MROH1: variants seen among roughly 807,000 people sequenced by gnomAD.
MROH1 encodes the protein maestro heat like repeat family member 1.
Under a neutral mutation model 116.5 loss-of-function variants are expected in MROH1, and 117 were observed. The ratio of observed to expected loss-of-function variants is 1.00; its 90% CI spans 0.86 to 1.17. The LOEUF (loss-of-function observed/expected upper bound fraction) is 1.17. Ranked by LOEUF, MROH1 falls within the 50% of genes most tolerant of loss-of-function variation. The pLI, the probability that MROH1 is intolerant of heterozygous loss-of-function variation, is 0.00. For missense variants in MROH1, 1,873 were observed against 1,338.5 expected (o/e 1.40, Z -6.23); for synonymous variants, 921 against 583.9 (o/e 1.58, Z -8.32).
In MROH1 at chr8:144,176,499, C is replaced by T. The variant is rs568964481; in HGVS notation, c.169-2956C>T. On this transcript the variant is annotated intron_variant, in intron 4 of 43. Transcript: ENST00000326134. ...GCAGTGAGTTATGATTGCACAACTG[C>T]ACTCTAGCCTGGGTGATGGAGTGAG... Among the ~76,000 whole-genome samples, 354 of 146,948 alleles carry T rather than the reference C, an allele frequency of 2.4e-3. 12 individuals carry two copies. In the South Asian group the frequency reaches 0.065, roughly 27 times the overall value.
intron 20 of MROH1, 77 bp downstream of exon 20, chr8:144,240,754 T>A: frequency 1.4e-6 from 1 of 701,702 alleles, no homozygotes; most frequent in Non-Finnish European, 2.6e-6. Flanking sequence ...ACTTGCTGTC[T>A]GGGCCCTGTC....
Position 144,260,383 on chromosome 8 carries a change from GT to G in MROH1, c.4380+11del. On this transcript the variant is annotated intron_variant, in intron 39 of 43. Transcript: ENST00000326134. ...GGCCTTTCTTCGACAGTGTAGGCTGGTTGGGGCAGGGGGAGGGAAGAGGGCC... is the reference window on the plus strand; with the variant it reads ...GGCCTTTCTTCGACAGTGTAGGCTGGTGGGGCAGGGGGAGGGAAGAGGGCC... 4.2e-6 allele frequency: 3 copies of G among 712,264 alleles called. No homozygotes were observed. The highest frequency in any genetic ancestry group is 5.1e-6 in the Non-Finnish European group (2 of 389,682). 44.1% of individuals were successfully genotyped at this position (712,264 alleles called of 1,614,324 possible). A position where few individuals can be genotyped will look rare whatever the true frequency, so the allele number is the denominator to read the frequency against.
chr8:144,166,037 C>T (rs1316609446), intron 3 of MROH1, among the ~76,000 whole-genome samples: 1 of 151,846 alleles, frequency 6.6e-6, no homozygotes, highest in East Asian at 1.9e-4. Context: ...TGCCATCACA[C>T]CTGGCTAATT....
In MROH1 at chr8:144,247,624, G is replaced by A; in HGVS notation, c.3065G>A (p.Gly1022Asp). 1.3e-6 allele frequency: 1 copy of A among 768,356 alleles called. No individual in the cohort carries two copies. The highest frequency in any genetic ancestry group is 1.7e-5 in the Admixed American group (1 of 58,678). 47.6% of individuals were successfully genotyped at this position (768,356 alleles called of 1,614,324 possible). ...GAGCGGCTCCTCAGCCTCAAGGACG[G>A]CCTCGTGCACCCTGACCCCGCCATT... The part of the protein sequence containing the change: ...VAERLLSLKD[G>D]LVHPDPAILF... Residue 1022 changes from glycine (G) to aspartate (D), a missense_variant, in exon 31 of 44, where the codon GGC becomes GAC. By Grantham distance (94) the Gly-to-Asp change is moderately conservative. Transcript: ENST00000326134.
chr8:144,172,277 A>G (rs913374528), intron 4 of MROH1, among the ~76,000 whole-genome samples: 3 of 152,128 alleles, frequency 2.0e-5, no homozygotes, highest in African/African-American at 7.2e-5. Context: ...GACATTTACT[A>G]TCTATTATCT....
Position 144,168,459 on chromosome 8 carries a change from G to A in MROH1, c.168+19G>A. ...TGACAAGGTATGTGTGCTCCTTGGT[G>A]GGGATGATGTTGTCAGGGCCATGGT... On this transcript the variant is annotated intron_variant, in intron 4 of 43. Transcript: ENST00000326134. The A allele has an allele frequency of 6.3e-7, 1 of 1,589,560 alleles. No individual in the cohort carries two copies. The highest frequency in any genetic ancestry group is 8.6e-7 in the Non-Finnish European group (1 of 1,167,572).
chr8:144,157,104 C>T (rs1237306859), intron 1 of MROH1, among the ~76,000 whole-genome samples: 5 of 152,178 alleles, frequency 3.3e-5, no homozygotes, highest in South Asian at 2.1e-4. Flanking sequence ...TACAGGCGTG[C>T]GCCACCACGT....
Position 144,249,586 on chromosome 8 carries a change from C to T in MROH1, c.3273+557C>T, listed in dbSNP as rs991059331. On this transcript the variant is annotated intron_variant, in intron 32 of 43. Transcript: ENST00000326134. ...CCCCCAGAGTGAGGCTCATGCTATG[C>T]TGCTGCTGGACTTGTGGTGGGCCTG... is the stretch of plus-strand genomic sequence containing the variant. 4.0e-3 allele frequency among the ~76,000 whole-genome samples: 611 copies of T among 152,284 alleles called. 2 individuals are homozygous for T. The highest frequency in any genetic ancestry group is 0.014 in the African/African-American group (584 of 41,552).
intron 4 of MROH1, among the ~76,000 whole-genome samples, chr8:144,178,807 C>T (rs1564405073): frequency 6.6e-6 from 1 of 152,144 alleles, no homozygotes; most frequent in Non-Finnish European, 1.5e-5. Flanking sequence ...CCGCGGGTCC[C>T]AGCTTTCAGT....
rs1179372923 is a variant in MROH1, at chr8:144,243,993, ATGTGTGTGCAT to A, written c.2555+62_2555+72del. The A allele has an allele frequency of 1.2e-4, 88 of 763,972 alleles. No homozygotes were observed. The African/African-American group carries it at 1.3e-3, about 11-fold the overall frequency. 47.3% of individuals were successfully genotyped at this position (763,972 alleles called of 1,614,324 possible). On this transcript the variant is annotated intron_variant, in intron 26 of 43. Transcript: ENST00000326134. ...CCCGTGCAGCTGCGTGTGTGCGTGCATGTGTGTGCATTGTGTGTGCACGTGTATGCGCGTGT... is the reference window on the plus strand; with the variant it reads ...CCCGTGCAGCTGCGTGTGTGCGTGCATGTGTGTGCACGTGTATGCGCGTGT...
chr8:144,234,522 TTTTTTTTTTTTTC>T, intron 14 of MROH1, among the ~76,000 whole-genome samples: 2 of 87,804 alleles, frequency 2.3e-5, no homozygotes, highest in South Asian at 4.4e-4. Context: ...TTTTTTTTTT[TTTTTTTTTTTTTC>T]AAAAAGAGTC....
intron 4 of MROH1, among the ~76,000 whole-genome samples, chr8:144,170,523 C>T (rs1402974076): frequency 3.9e-5 from 6 of 152,120 alleles, no homozygotes; most frequent in South Asian, 2.1e-4. Flanking sequence ...TGGATCTCAC[C>T]GCATTTGCAC....
At chr8:144,220,813 AGT>A in intron 13 of MROH1, 140 bp downstream of exon 13, 1 of 699,788 alleles carries the variant, frequency 1.4e-6, no homozygotes. Context: ...AAAGGATGAC[AGT>A]GTGCCATTCA....
At chr8:144,173,499 C>T (rs531835554) in intron 4 of MROH1, among the ~76,000 whole-genome samples, 33 of 151,476 alleles carry the variant, frequency 2.2e-4, no homozygotes, top group South Asian at 2.1e-4. Flanking sequence ...CAAACCGGCT[C>T]GCTGCAACCT....
Position 144,168,306 on chromosome 8 carries a change from A to G in MROH1, c.34A>G (p.Thr12Ala). The change falls in exon 4 of 44, where the codon ACC (threonine) becomes GCC (alanine). Residue 12 changes from threonine to alanine, a missense_variant. By Grantham distance (58) the Thr-to-Ala change is moderately conservative. Coordinates refer to ENST00000326134, the MANE Select transcript of MROH1 (RefSeq NM_032450.3). ...CTTTGTCGCTGCAGAGCTGGCCTCC[A>G]CCCTGCTGGACGCCATCACCGATAA... ...TESSMKKLAS[T>A]LLDAITDKDP... 2.5e-6 allele frequency: 4 copies of G among 1,604,060 alleles called. No individual in the cohort carries two copies. The highest frequency in any genetic ancestry group is 3.4e-6 in the Non-Finnish European group (4 of 1,178,050).
intron 12 of MROH1, among the ~76,000 whole-genome samples, chr8:144,219,748 T>C (rs1007924410): frequency 8.5e-5 from 13 of 152,174 alleles, no homozygotes; most frequent in Non-Finnish European, 1.0e-4. Context: ...TAGGGGAACA[T>C]TGGCATAGAG....
rs369563214 is a variant in MROH1, at chr8:144,190,941, C to T, written c.714+6C>T. ...TGCAGAGTCGAGAAGCCAAGGTATG[C>T]CCCGTGGCTGCATCAGTCCACGCCT... On this transcript the variant is annotated splice_donor_region_variant and intron_variant, in intron 8 of 43. Transcript: ENST00000326134. 6 of 1,612,022 alleles carry T rather than the reference C, an allele frequency of 3.7e-6. No individual in the cohort carries two copies. The highest frequency in any genetic ancestry group is 2.2e-5 in the East Asian group (1 of 44,854).
chr8:144,199,317 G>A (rs1326212085), intron 11 of MROH1, 117 bp downstream of exon 11: 51 of 1,033,440 alleles, frequency 4.9e-5, no homozygotes, highest in Non-Finnish European at 6.3e-5. Flanking sequence ...GGAGGCCCCT[G>A]TTTCCACCTC....
At chr8:144,201,737 G>T (rs1056791035) in intron 12 of MROH1, among the ~76,000 whole-genome samples, 1 of 152,164 alleles carries the variant, frequency 6.6e-6, no homozygotes, top group Non-Finnish European at 1.5e-5. Context: ...AGGGCCGGCC[G>T]GGCAGTGGCT....
Sources: gnomAD v4.1 joint callset for allele counts (sites outside exome capture counted in the v4.1 genomes callset) on GRCh38, gnomAD v4.1.1 for gene constraint, MANE v1.5 for transcripts, NCBI Gene and HGNC (gene_info 2026-07-23, HGNC 2026-07-21) for gene names.